The following MAPK1IP1L variants were observed in gnomAD, a reference collection of about 807,000 sequenced individuals.
The protein encoded by MAPK1IP1L is MAPK-interacting and spindle-stabilizing protein-like.
A neutral mutation model predicts 18.1 loss-of-function variants in MAPK1IP1L; 10 were observed. The observed-to-expected ratio is 0.55, with a 90% CI of 0.34 to 0.94. The LOEUF (loss-of-function observed/expected upper bound fraction) is 0.94. Ranked by LOEUF, MAPK1IP1L falls within the 40% of genes least tolerant of loss-of-function variation. The probability of loss-of-function intolerance (pLI) is 0.02; values close to 1 mark genes in which losing one functional copy is unlikely to be tolerated. For missense variants in MAPK1IP1L, 260 were observed against 318.2 expected (o/e 0.82, Z 1.39); for synonymous variants, 115 against 117.3 (o/e 0.98, Z 0.13).
Position 55,062,602 on chromosome 14 carries a change from C to A in MAPK1IP1L, c.19-16C>A. ...TTTTCCCTAGATAGGAAAGACGTATCTGTTTTGTGTTCCAGTTGGCAGATG... is the reference window on the plus strand; with the variant it reads ...TTTTCCCTAGATAGGAAAGACGTATATGTTTTGTGTTCCAGTTGGCAGATG... On this transcript the variant is annotated splice_polypyrimidine_tract_variant and intron_variant, in intron 2 of 3. Coordinates refer to ENST00000395468, the MANE Select transcript of MAPK1IP1L (RefSeq NM_144578.4). 6.3e-7 allele frequency: 1 copy of A among 1,592,856 alleles called. No homozygotes were observed. The highest frequency in any genetic ancestry group is 8.6e-7 in the Non-Finnish European group (1 of 1,166,908).
intron 1 of MAPK1IP1L, chr14:55,060,522 C>T (rs1489087112): frequency 6.6e-6 from 1 of 151,972 alleles, no homozygotes; most frequent in Non-Finnish European, 1.5e-5. Flanking sequence ...TAGTATCTTA[C>T]AAAGCAGTGA....
At chr14:55,059,225 G>GAAAAAAAAAAAAAAAAAAAAAAAAAAAT (rs3078612) in intron 1 of MAPK1IP1L, among the ~76,000 whole-genome samples, 1 of 63,280 alleles carries the variant, frequency 1.6e-5, no homozygotes, top group African/African-American at 5.8e-5. Flanking sequence ...AGGAAAATCT[G>GAAAAAAAAAAAAAAAAAAAAAAAAAAAT]AAAAAAAAAA....
At chr14:55,056,300 AGG>A (rs904615861) in intron 1 of MAPK1IP1L, among the ~76,000 whole-genome samples, 4 of 152,210 alleles carry the variant, frequency 2.6e-5, no homozygotes, top group African/African-American at 9.6e-5. Flanking sequence ...TGAACAGTCA[AGG>A]CCATTTGGTT....
chr14:55,062,164 C>A (rs1381115532), intron 2 of MAPK1IP1L, among the ~76,000 whole-genome samples: 1 of 152,124 alleles, frequency 6.6e-6, no homozygotes, highest in African/African-American at 2.4e-5. Flanking sequence ...TTATTATATA[C>A]CAGGCACTCT....
intron 3 of MAPK1IP1L, 24 bp from the exon 4 acceptor site, chr14:55,064,592 G>A: frequency 1.2e-6 from 2 of 1,611,558 alleles, no homozygotes; most frequent in South Asian, 1.1e-5. Flanking sequence ...TCTAGAAGTT[G>A]ACTTTTTCTT....
In MAPK1IP1L at chr14:55,067,137, C is replaced by T. The variant is rs1018663559; in HGVS notation, c.*2510C>T. ...GCCAGGATGGTCTCGATCTCCTGAC[C>T]TCGTGATCTGCCCGCCTTGGCTTCC... On this transcript the variant is annotated 3_prime_UTR_variant, in exon 4 of 4. Coordinates refer to ENST00000395468, the MANE Select transcript of MAPK1IP1L (RefSeq NM_144578.4). 4 of 149,514 alleles carry T rather than the reference C, an allele frequency of 2.7e-5. No individual in the cohort carries two copies. The highest frequency in any genetic ancestry group is 9.9e-5 in the African/African-American group (4 of 40,550). The allele number at this position is 149,514 out of a possible 1,614,324, so 9.3% of individuals were successfully genotyped here.
intron 3 of MAPK1IP1L, among the ~76,000 whole-genome samples, chr14:55,064,300 A>G (rs553782669): frequency 1.3e-5 from 2 of 152,146 alleles, no homozygotes; most frequent in East Asian, 3.9e-4. Flanking sequence ...AGCCAGGAAA[A>G]AAAAAAAATC....
Position 55,067,639 on chromosome 14 carries a change from GT to G in MAPK1IP1L, c.*3013del. 6.6e-6 allele frequency: 1 copy of G among 151,928 alleles called. No individual in the cohort carries two copies. The highest frequency in any genetic ancestry group is 1.9e-4 in the East Asian group (1 of 5,152). The allele number at this position is 151,928 out of a possible 1,614,324, so 9.4% of individuals were successfully genotyped here. A position where few individuals can be genotyped will look rare whatever the true frequency, so the allele number is the denominator to read the frequency against. On this transcript the variant is annotated 3_prime_UTR_variant, in exon 4 of 4. Coordinates refer to ENST00000395468, the MANE Select transcript of MAPK1IP1L (RefSeq NM_144578.4). Reference sequence around the variant, plus strand: ...AGGGTGGTCTGAAACTCCTGACCTCGTGATCCGCCTGCCTCAGCCTCCCAAA... The same window carrying G: ...AGGGTGGTCTGAAACTCCTGACCTCGGATCCGCCTGCCTCAGCCTCCCAAA...
rs956617465 is a variant in MAPK1IP1L, at chr14:55,068,134, C to G, written c.*3507C>G. The G allele has an allele frequency of 6.6e-6, 1 of 152,140 alleles. No individual in the cohort carries two copies. Among genetic ancestry groups the G allele is most frequent in the Admixed American group, 6.6e-5 (1 of 15,264 alleles). 9.4% of individuals were successfully genotyped at this position (152,140 alleles called of 1,614,324 possible). ...TGTGTAAAGTAATATATTGATTATT[C>G]AGAAATAGACAATACATTTTTTAAT... On this transcript the variant is annotated 3_prime_UTR_variant, in exon 4 of 4. Coordinates refer to ENST00000395468, the MANE Select transcript of MAPK1IP1L (RefSeq NM_144578.4).
At chr14:55,052,517 T>G (rs2140255872) in intron 1 of MAPK1IP1L, among the ~76,000 whole-genome samples, 1 of 152,324 alleles carries the variant, frequency 6.6e-6, no homozygotes, top group South Asian at 2.1e-4. Flanking sequence ...CTCTTTACCT[T>G]GAAAAGCAAG....
chr14:55,061,596 A>G (rs1594626002), intron 1 of MAPK1IP1L, 84 bp from the exon 2 acceptor site: 1 of 949,340 alleles, frequency 1.1e-6, no homozygotes, highest in Non-Finnish European at 1.6e-6. Flanking sequence ...GTATGCATAG[A>G]AAGTTCCTTA....
intron 1 of MAPK1IP1L, among the ~76,000 whole-genome samples, chr14:55,056,728 C>T (rs919489561): frequency 4.6e-5 from 7 of 152,074 alleles, no homozygotes; most frequent in African/African-American, 1.7e-4. Context: ...CCAGGATGGT[C>T]TCAATCTCCT....
rs1050895175 is a variant in MAPK1IP1L at position 55,066,632 on chromosome 14, A to G, written c.*2005A>G. On this transcript the variant is annotated 3_prime_UTR_variant, in exon 4 of 4. Coordinates refer to ENST00000395468, the MANE Select transcript of MAPK1IP1L (RefSeq NM_144578.4). ...CTACATTGGGATAAGCTGACAAATT[A>G]GCAGTATTTAGTTTAACACTGGAGC... is the stretch of plus-strand genomic sequence containing the variant. 12 of 152,244 alleles carry G rather than the reference A, an allele frequency of 7.9e-5. No homozygotes were observed. Among genetic ancestry groups the G allele is most frequent in the Non-Finnish European group, 1.6e-4 (11 of 68,036 alleles). 9.4% of individuals were successfully genotyped at this position (152,244 alleles called of 1,614,324 possible).
intron 1 of MAPK1IP1L, among the ~76,000 whole-genome samples, chr14:55,052,046 A>T (rs1429131491): frequency 6.6e-6 from 1 of 151,784 alleles, no homozygotes; most frequent in Admixed American, 6.5e-5. Flanking sequence ...GAGGCCGCTG[A>T]CGTCGCGCCC....
At chr14:55,061,334 G>A (rs2042816505) in intron 1 of MAPK1IP1L, among the ~76,000 whole-genome samples, 1 of 152,176 alleles carries the variant, frequency 6.6e-6, no homozygotes, top group East Asian at 1.9e-4. Flanking sequence ...TAAATTCCAT[G>A]TCCAGTGCTT....
chr14:55,062,726 C>G lies in MAPK1IP1L; in HGVS notation c.127C>G (p.Pro43Ala). ...GCCAGGCTCCAACCCTTGGAATAAT[C>G]CGAGTGCTCCATCTTCAGTGCCATC... ...GWPGSNPWNN[P>A]SAPSSVPSGL... The change falls in exon 3 of 4, where the codon CCG becomes GCG. Residue 43 changes from proline to alanine, a missense_variant. Coordinates refer to ENST00000395468, the MANE Select transcript of MAPK1IP1L (RefSeq NM_144578.4). The G allele has an allele frequency of 6.2e-7, 1 of 1,614,206 alleles. No individual in the cohort carries two copies. The highest frequency in any genetic ancestry group is 8.5e-7 in the Non-Finnish European group (1 of 1,180,034).
In MAPK1IP1L at chr14:55,061,701, G is replaced by C; in HGVS notation, c.18G>C (p.Ser6=). Residue 6 remains serine (S), a splice_region_variant and synonymous_variant, in exon 2 of 4, where the codon TCG becomes TCC. Transcript: ENST00000395468. The part of the protein sequence containing the change: MSDEF[S]LADALPEHSP... ...TTAGGAAAATGTCTGATGAATTTTC[G>C]GTAAGTTGATCAGTTTATCTGTGAT... 6.4e-7 allele frequency: 1 copy of C among 1,565,208 alleles called. No homozygotes were observed. Among genetic ancestry groups the C allele is most frequent in the Non-Finnish European group, 8.7e-7 (1 of 1,150,188 alleles).
chr14:55,055,427 G>T (rs2042763566), intron 1 of MAPK1IP1L, among the ~76,000 whole-genome samples: 1 of 152,078 alleles, frequency 6.6e-6, no homozygotes, highest in African/African-American at 2.4e-5. Context: ...ATCCTAGGGG[G>T]ACACATTGCA....
chr14:55,062,617 G>C lies in MAPK1IP1L; in HGVS notation c.19-1G>C. On this transcript the variant is annotated splice_acceptor_variant, in intron 2 of 3. Transcript: ENST00000395468. LOFTEE classifies it high-confidence loss of function. ...AAAGACGTATCTGTTTTGTGTTCCA[G>C]TTGGCAGATGCACTACCTGAACACT... 1 of 1,605,564 alleles carries C rather than the reference G, an allele frequency of 6.2e-7. No individual in the cohort carries two copies.
Sources: allele counts gnomAD v4.1 joint callset (sites outside exome capture counted in the v4.1 genomes callset), GRCh38; gene constraint gnomAD v4.1.1; transcripts MANE v1.5; gene names NCBI Gene and HGNC (gene_info 2026-07-23, HGNC 2026-07-21).